ZNHIT6: variants seen among roughly 807,000 people sequenced by gnomAD.
ZNHIT6 encodes the protein box C/D snoRNA protein 1.
Under a neutral mutation model 57.2 loss-of-function variants are expected in ZNHIT6, and 45 were observed. The observed-to-expected ratio is 0.79, with a 90% confidence interval of 0.62 to 1.01. The LOEUF (loss-of-function observed/expected upper bound fraction) is 1.01. Ranked by LOEUF, ZNHIT6 falls within the 50% of genes least tolerant of loss-of-function variation. The pLI, the probability that ZNHIT6 is intolerant of heterozygous loss-of-function variation, is 0.00. For missense variants in ZNHIT6, 528 were observed against 567.3 expected (o/e 0.93, Z 0.70); for synonymous variants, 188 against 190.0 (o/e 0.99, Z 0.09).
intron 8 of ZNHIT6, among the ~76,000 whole-genome samples, chr1:85,665,007 T>C (rs1389283398): frequency 1.3e-5 from 2 of 152,052 alleles, no homozygotes; most frequent in South Asian, 2.1e-4. Flanking sequence ...AATGTTTGTA[T>C]GTTTAGTAGA....
At chr1:85,670,649 GA>G (rs1661533156) in intron 8 of ZNHIT6, among the ~76,000 whole-genome samples, 2 of 152,128 alleles carry the variant, frequency 1.3e-5, no homozygotes, top group Non-Finnish European at 2.9e-5. Flanking sequence ...AAACCTATGA[GA>G]AATGCAAAAC....
chr1:85,667,625 C>T (rs1218524318), intron 8 of ZNHIT6, among the ~76,000 whole-genome samples: 1 of 26,716 alleles, frequency 3.7e-5, no homozygotes, highest in Non-Finnish European at 8.8e-5. Context: ...CAATATCATC[C>T]ATTAAAAAAA....
intron 5 of ZNHIT6, among the ~76,000 whole-genome samples, chr1:85,695,759 G>A (rs1021835121): frequency 4.6e-5 from 7 of 152,182 alleles, no homozygotes; most frequent in Admixed American, 2.0e-4. Context: ...GGTTCAGGCC[G>A]GGCGCGGTGG....
chr1:85,656,964 A>G (rs1454156670), intron 9 of ZNHIT6, among the ~76,000 whole-genome samples: 1 of 152,126 alleles, frequency 6.6e-6, no homozygotes, highest in African/African-American at 2.4e-5. Flanking sequence ...CTACTTAAAA[A>G]ATAGTATCAA....
intron 8 of ZNHIT6, among the ~76,000 whole-genome samples, chr1:85,662,167 A>AAG (rs1553155327): frequency 4.6e-5 from 7 of 151,322 alleles, no homozygotes; most frequent in Non-Finnish European, 1.5e-5. Context: ...AAAAAAAAAA[A>AAG]AAAACCTCCT....
chr1:85,706,034 AT>A (rs1468676101), intron 4 of ZNHIT6, 43 bp downstream of exon 4: 1 of 1,430,228 alleles, frequency 7.0e-7, no homozygotes, highest in South Asian at 1.3e-5. Context: ...AATCTAATTG[AT>A]TTGAAGGACT....
intron 8 of ZNHIT6, among the ~76,000 whole-genome samples, chr1:85,661,187 T>C (rs949564934): frequency 3.3e-5 from 5 of 152,208 alleles, no homozygotes; most frequent in Admixed American, 6.5e-5. Flanking sequence ...TTTATGGACT[T>C]GGAATTTAGT....
intron 5 of ZNHIT6, among the ~76,000 whole-genome samples, chr1:85,701,045 G>T (rs971556871): frequency 6.6e-6 from 1 of 152,084 alleles, no homozygotes; most frequent in Non-Finnish European, 1.5e-5. Context: ...GGCCTCAAGG[G>T]ATCCACCTGC....
chr1:85,701,559 C>CG (rs1662529099), intron 5 of ZNHIT6, among the ~76,000 whole-genome samples: 1 of 152,172 alleles, frequency 6.6e-6, no homozygotes, highest in Non-Finnish European at 1.5e-5. Context: ...AGTTCAAAGT[C>CG]CCCTTCTTCT....
chr1:85,684,718 A>G (rs1661974829), intron 5 of ZNHIT6, among the ~76,000 whole-genome samples: 1 of 152,230 alleles, frequency 6.6e-6, no homozygotes. Flanking sequence ...TTACAAAAAT[A>G]GAAAGAAAAG....
chr1:85,684,948 T>C (rs1002553344), intron 5 of ZNHIT6, among the ~76,000 whole-genome samples: 2 of 152,194 alleles, frequency 1.3e-5, no homozygotes, highest in Non-Finnish European at 2.9e-5. Flanking sequence ...CAATAAGATG[T>C]TCAAATTCAT....
Position 85,679,777 on chromosome 1 carries a change from G to A in ZNHIT6, c.1089-996C>T, listed in dbSNP as rs147604920. Among the ~76,000 whole-genome samples the A allele has an allele frequency of 1.1e-4, 16 of 152,062 alleles. No homozygotes were observed. The East Asian group carries it at 2.9e-3, about 28-fold the overall frequency. On this transcript the variant is annotated intron_variant, in intron 6 of 9. Coordinates refer to ENST00000370574, the MANE Select transcript of ZNHIT6 (RefSeq NM_017953.4). ...TTTTTGTATTTTTAGTAGAGACGGG[G>A]TTTCACCATGTTGGCCAAGCTGGTC...
intron 9 of ZNHIT6, among the ~76,000 whole-genome samples, chr1:85,657,624 G>T (rs1661096822): frequency 6.6e-6 from 1 of 151,976 alleles, no homozygotes; most frequent in African/African-American, 2.4e-5. Context: ...CATTCAATTT[G>T]ATTTATTCAC....
intron 5 of ZNHIT6, among the ~76,000 whole-genome samples, chr1:85,701,536 A>G (rs1662528417): frequency 6.6e-6 from 1 of 152,204 alleles, no homozygotes; most frequent in South Asian, 2.1e-4. Context: ...CTGTTATATT[A>G]TCTGTACTCA....
At position 85,707,945 on chromosome 1, in the gene ZNHIT6, CGCCT is replaced by C; in HGVS notation, c.336_339del (p.Gly113TyrfsTer4). ...TCCGTCTCCTGCTTCACCTCCAATA[CGCCT>C]GCGTTCTCATCCTTCACCTCAGGCC... On this transcript the variant is annotated frameshift_variant, in exon 1 of 10. Coordinates refer to ENST00000370574, the MANE Select transcript of ZNHIT6 (RefSeq NM_017953.4). LOFTEE classifies it high-confidence loss of function. 6.2e-7 allele frequency: 1 copy of C among 1,612,120 alleles called. No homozygotes were observed. The highest frequency in any genetic ancestry group is 8.5e-7 in the Non-Finnish European group (1 of 1,179,462).
intron 8 of ZNHIT6, among the ~76,000 whole-genome samples, chr1:85,668,630 C>T (rs1053664748): frequency 6.6e-5 from 10 of 152,188 alleles, no homozygotes; most frequent in African/African-American, 2.4e-4. Flanking sequence ...TTTTAACACA[C>T]ATCTTATAAA....
chr1:85,693,300 G>C (rs891424177), intron 5 of ZNHIT6, among the ~76,000 whole-genome samples: 2 of 152,118 alleles, frequency 1.3e-5, no homozygotes, highest in Non-Finnish European at 2.9e-5. Context: ...CAGATGAGAA[G>C]TGTTCTAAAT....
intron 5 of ZNHIT6, among the ~76,000 whole-genome samples, chr1:85,682,677 C>T (rs946275249): frequency 1.3e-5 from 2 of 152,086 alleles, no homozygotes; most frequent in Non-Finnish European, 2.9e-5. Flanking sequence ...CACACATGAA[C>T]AAATCTGAAA....
chr1:85,685,503 A>G (rs1662002458), intron 5 of ZNHIT6, among the ~76,000 whole-genome samples: 1 of 141,660 alleles, frequency 7.1e-6, no homozygotes, highest in Admixed American at 7.3e-5. Flanking sequence ...TTGACATTAT[A>G]AAAGGACTTG....
Sources: allele counts gnomAD v4.1 joint callset (sites outside exome capture counted in the v4.1 genomes callset), GRCh38; gene constraint gnomAD v4.1.1; transcripts MANE v1.5; gene names NCBI Gene and HGNC (gene_info 2026-07-23, HGNC 2026-07-21).